Variants in HSPA12A observed in about 807,000 individuals in gnomAD.
The protein encoded by HSPA12A is heat shock protein family A (Hsp70) member 12A.
In HSPA12A, 28 loss-of-function variants were observed where a neutral mutation model predicts 69.2. The observed-to-expected ratio is 0.40, with a 90% confidence interval of 0.30 to 0.55. The LOEUF (loss-of-function observed/expected upper bound fraction) is 0.55. HSPA12A is among the 20% of genes least tolerant of loss of function. The pLI is 0.38. For synonymous variants in HSPA12A, 345 were observed against 370.5 expected, an observed-to-expected ratio of 0.93 and a Z score of 0.79; for missense variants, 686 against 900.7, an observed-to-expected ratio of 0.76 and a Z score of 3.05.
At chr10:116,808,854 T>C (rs1046106723) in intron 2 of HSPA12A, among the ~76,000 whole-genome samples, 2 of 152,190 alleles carry the variant, frequency 1.3e-5, no homozygotes, top group Admixed American at 1.3e-4. Context: ...CCGCCGTTCC[T>C]ATGTTCAGAC....
chr10:116,739,033 G>C (rs938893642), intron 1 of HSPA12A, among the ~76,000 whole-genome samples: 1 of 152,178 alleles, frequency 6.6e-6, no homozygotes, highest in African/African-American at 2.4e-5. Context: ...TATAACCAGC[G>C]CCCTGTCACT....
intron 2 of HSPA12A, among the ~76,000 whole-genome samples, chr10:116,810,082 G>C (rs553700778): frequency 3.9e-5 from 6 of 152,302 alleles, no homozygotes; most frequent in African/African-American, 1.4e-4. Context: ...AAAACACCCA[G>C]CCAGGTGAAG....
At chr10:116,783,828 G>A (rs1415516676) in intron 2 of HSPA12A, among the ~76,000 whole-genome samples, 3 of 152,216 alleles carry the variant, frequency 2.0e-5, no homozygotes, top group East Asian at 1.9e-4. Context: ...TCAGCTTCCC[G>A]AGTAGCTGGG....
intron 7 of HSPA12A, 34 bp downstream of exon 7, chr10:116,683,757 G>T: frequency 6.8e-7 from 1 of 1,472,916 alleles, no homozygotes; most frequent in Middle Eastern, 1.8e-4. Flanking sequence ...GGGAAGGAAG[G>T]AGAGCAGGAG....
chr10:116,800,393 T>G (rs1001154693), intron 2 of HSPA12A, among the ~76,000 whole-genome samples: 1 of 152,084 alleles, frequency 6.6e-6, no homozygotes, highest in Non-Finnish European at 1.5e-5. Context: ...GTGCCTACCA[T>G]GAAAGGGTTA....
At chr10:116,735,184 G>A (rs536587003) in intron 1 of HSPA12A, among the ~76,000 whole-genome samples, 4 of 152,296 alleles carry the variant, frequency 2.6e-5, no homozygotes, top group African/African-American at 4.8e-5. Context: ...CTTGCAGAAC[G>A]TCTTAAGAAG....
chr10:116,716,028 C>T (rs1850592345), intron 1 of HSPA12A, among the ~76,000 whole-genome samples: 1 of 152,136 alleles, frequency 6.6e-6, no homozygotes, highest in African/African-American at 2.4e-5. Context: ...GTCCAGCCAC[C>T]AGCTGAGCAG....
At chr10:116,755,602 A>T (rs1429050030) in intron 2 of HSPA12A, among the ~76,000 whole-genome samples, 1 of 136,930 alleles carries the variant, frequency 7.3e-6, no homozygotes, top group East Asian at 2.1e-4. Context: ...AAAGAGTGAG[A>T]CTGTCTCAAA....
At chr10:116,790,092 C>CT (rs140785704) in intron 2 of HSPA12A, among the ~76,000 whole-genome samples, 1,039 of 69,142 alleles carry the variant, frequency 0.015, 96 homozygotes, top group East Asian at 0.06. Context: ...GATAATCTTT[C>CT]TTTTTTTTTT....
intron 1 of HSPA12A, among the ~76,000 whole-genome samples, chr10:116,729,478 C>A (rs1851086442): frequency 6.6e-6 from 1 of 152,136 alleles, no homozygotes; most frequent in African/African-American, 2.4e-5. Context: ...GGCACCCACC[C>A]CCTGCACAGT....
chr10:116,838,417 T>C (rs1233284505), intron 1 of HSPA12A, among the ~76,000 whole-genome samples: 1 of 151,230 alleles, frequency 6.6e-6, no homozygotes, highest in Non-Finnish European at 1.5e-5. Context: ...TTTCACCATA[T>C]TTCTGGAGGG....
intron 2 of HSPA12A, among the ~76,000 whole-genome samples, chr10:116,795,726 G>T (rs1458282288): frequency 1.3e-5 from 2 of 149,264 alleles, no homozygotes; most frequent in Non-Finnish European, 3.0e-5. Context: ...AAAATTACTT[G>T]GTAAGAGGAT....
chr10:116,678,512 G>C (rs1235148148), intron 10 of HSPA12A, among the ~76,000 whole-genome samples: 1 of 146,678 alleles, frequency 6.8e-6, no homozygotes, highest in Non-Finnish European at 1.5e-5. Context: ...AGGGGAACCT[G>C]TACATTAGTG....
chr10:116,798,619 C>A (rs1044175652), intron 2 of HSPA12A, among the ~76,000 whole-genome samples: 4 of 152,238 alleles, frequency 2.6e-5, no homozygotes, highest in African/African-American at 9.6e-5. Flanking sequence ...CTCACACCCT[C>A]AGGCCCTGAC....
intron 2 of HSPA12A, among the ~76,000 whole-genome samples, chr10:116,793,256 T>A (rs1240478222): frequency 6.6e-6 from 1 of 152,238 alleles, no homozygotes; most frequent in Non-Finnish European, 1.5e-5. Flanking sequence ...ACAACAATGA[T>A]AATGCCTTAT....
At chr10:116,791,016 C>T (rs1456042571) in intron 2 of HSPA12A, among the ~76,000 whole-genome samples, 1 of 152,166 alleles carries the variant, frequency 6.6e-6, no homozygotes, top group Non-Finnish European at 1.5e-5. Context: ...GTATTCATAG[C>T]CCTGGGATTG....
At chr10:116,789,213 A>T (rs1844647417) in intron 2 of HSPA12A, among the ~76,000 whole-genome samples, 1 of 152,198 alleles carries the variant, frequency 6.6e-6, no homozygotes, top group Non-Finnish European at 1.5e-5. Flanking sequence ...TATGTCAAAG[A>T]TATATCACAT....
chr10:116,695,389 A>G (rs1849856528), intron 5 of HSPA12A, among the ~76,000 whole-genome samples: 1 of 152,196 alleles, frequency 6.6e-6, no homozygotes, highest in Non-Finnish European at 1.5e-5. Context: ...TTGCTGCCAT[A>G]AAAAGGGCTT....
chr10:116,813,247 A>ATTTTTTT (rs71013618), intron 2 of HSPA12A, among the ~76,000 whole-genome samples: 59,148 of 99,876 alleles, frequency 0.59, 20,364 homozygotes, highest in East Asian at 0.72. Flanking sequence ...CCAGAGCTCT[A>ATTTTTTT]TTTTTTTTTT....
Sources: gnomAD v4.1 joint callset for allele counts (sites outside exome capture counted in the v4.1 genomes callset) on GRCh38, gnomAD v4.1.1 for gene constraint, MANE v1.5 for transcripts, NCBI Gene and HGNC (gene_info 2026-07-23, HGNC 2026-07-21) for gene names.